Variants in AGMO observed in about 807,000 individuals in gnomAD.
The protein encoded by AGMO is alkylglycerol monooxygenase.
A neutral mutation model predicts 60.2 loss-of-function variants in AGMO; 75 were observed. That is an observed-to-expected ratio of 1.25 (90% CI 1.03 to 1.51). The LOEUF is 1.51. Among genes scored for constraint, AGMO ranks in the 40% most tolerant of loss-of-function variants. The pLI is 0.00. For missense variants in AGMO, 763 were observed against 525.5 expected (o/e 1.45, Z -4.42); for synonymous variants, 261 against 177.1 (o/e 1.47, Z -3.76).
intron 12 of AGMO, among the ~76,000 whole-genome samples, chr7:15,232,801 G>GCA (rs71004371): frequency 0.059 from 8,721 of 147,070 alleles, 321 homozygotes; most frequent in African/African-American, 0.095. Flanking sequence ...ACACACACAC[G>GCA]CACACACACA....
intron 12 of AGMO, among the ~76,000 whole-genome samples, chr7:15,361,945 A>G (rs1196771723): frequency 6.6e-6 from 1 of 152,084 alleles, no homozygotes; most frequent in African/African-American, 2.4e-5. Context: ...TATATACAAC[A>G]TTGATTTATA....
intron 5 of AGMO, among the ~76,000 whole-genome samples, chr7:15,411,071 T>C (rs1780579463): frequency 6.6e-6 from 1 of 151,908 alleles, no homozygotes; most frequent in Non-Finnish European, 1.5e-5. Flanking sequence ...ACTACCTAAA[T>C]GGGGAGTGAG....
At chr7:15,519,307 C>T (rs765157746) in intron 3 of AGMO, among the ~76,000 whole-genome samples, 9 of 151,456 alleles carry the variant, frequency 5.9e-5, no homozygotes, top group Non-Finnish European at 1.3e-4. Context: ...ATACAGAGAA[C>T]ACCACAAAGA....
chr7:15,554,858 A>G (rs1785079222), intron 2 of AGMO, among the ~76,000 whole-genome samples: 1 of 152,184 alleles, frequency 6.6e-6, no homozygotes, highest in African/African-American at 2.4e-5. Flanking sequence ...ATCACCAGGA[A>G]TAGAAGTGTG....
intron 12 of AGMO, among the ~76,000 whole-genome samples, chr7:15,324,627 C>T (rs1460176477): frequency 6.6e-6 from 1 of 152,062 alleles, no homozygotes; most frequent in Admixed American, 6.6e-5. Flanking sequence ...CTTTTTGACA[C>T]CAGGAACATG....
chr7:15,334,127 C>G (rs1057011527), intron 12 of AGMO, among the ~76,000 whole-genome samples: 1 of 151,850 alleles, frequency 6.6e-6, no homozygotes, highest in Non-Finnish European at 1.5e-5. Context: ...ATGTAAAAAA[C>G]TCATAACAAA....
At chr7:15,434,563 AG>A (rs1182419314) in intron 3 of AGMO, among the ~76,000 whole-genome samples, 1 of 152,140 alleles carries the variant, frequency 6.6e-6, no homozygotes, top group Non-Finnish European at 1.5e-5. Flanking sequence ...CCAGCCAGTA[AG>A]GAACTAAGCT....
chr7:15,219,956 T>C lies in AGMO; in HGVS notation c.1264-18597A>G, dbSNP rs554130642. On this transcript the variant is annotated intron_variant, in intron 12 of 12. Transcript: ENST00000342526. ...TGCACACACCCCAGATCTTTCCTGT[T>C]GTACAGCTCCCTTCATACTCACTTC... Among the ~76,000 whole-genome samples, 12 of 152,278 alleles carry C rather than the reference T, an allele frequency of 7.9e-5. No homozygotes were observed. The South Asian group carries it at 1.7e-3, about 21-fold the overall frequency.
the AGMO span, among the ~76,000 whole-genome samples, chr7:15,146,996 A>C: frequency 6.6e-6 from 1 of 152,196 alleles, no homozygotes; most frequent in African/African-American, 2.4e-5. Flanking sequence ...GAAATGTTAA[A>C]ATATATACAC....
intron 12 of AGMO, among the ~76,000 whole-genome samples, chr7:15,222,493 G>A (rs1438113543): frequency 6.6e-6 from 1 of 151,978 alleles, no homozygotes; most frequent in African/African-American, 2.4e-5. Context: ...GCAAAAACAT[G>A]TTTTTCAATG....
intron 12 of AGMO, among the ~76,000 whole-genome samples, chr7:15,326,804 G>C (rs765972523): frequency 2.0e-5 from 3 of 151,932 alleles, no homozygotes; most frequent in Non-Finnish European, 4.4e-5. Context: ...ATGTACAAAA[G>C]GCATAGCGAA....
At chr7:15,139,064 T>G in the AGMO span, among the ~76,000 whole-genome samples, 1 of 152,184 alleles carries the variant, frequency 6.6e-6, no homozygotes, top group Admixed American at 6.5e-5. Flanking sequence ...CTGCTCTTCT[T>G]CCTACTCTCA....
chr7:15,375,161 C>G (rs1489433936), intron 10 of AGMO, among the ~76,000 whole-genome samples: 1 of 151,984 alleles, frequency 6.6e-6, no homozygotes, highest in Non-Finnish European at 1.5e-5. Context: ...AACATATTAT[C>G]TTTTTTGAAT....
chr7:15,416,427 G>T (rs1438333090), intron 5 of AGMO, among the ~76,000 whole-genome samples: 1 of 151,966 alleles, frequency 6.6e-6, no homozygotes, highest in Non-Finnish European at 1.5e-5. Flanking sequence ...TTATCTCACA[G>T]TCTTTCAAAA....
chr7:15,154,923 C>T, the AGMO span, among the ~76,000 whole-genome samples: 1 of 152,112 alleles, frequency 6.6e-6, no homozygotes, highest in Admixed American at 6.6e-5. Flanking sequence ...TGAATATAGG[C>T]TTCTAATATC....
chr7:15,397,097 C>T (rs189011904), intron 5 of AGMO, among the ~76,000 whole-genome samples: 14 of 152,282 alleles, frequency 9.2e-5, no homozygotes, highest in Admixed American at 7.8e-4. Flanking sequence ...TGGCACCCGC[C>T]AGGAAACTTT....
At chr7:15,457,000 A>G (rs1041758331) in intron 3 of AGMO, among the ~76,000 whole-genome samples, 1 of 152,180 alleles carries the variant, frequency 6.6e-6, no homozygotes, top group African/African-American at 2.4e-5. Context: ...AGCCATATTT[A>G]TTGGAAGCCA....
At chr7:15,281,330 G>C (rs1783959004) in intron 12 of AGMO, among the ~76,000 whole-genome samples, 1 of 152,138 alleles carries the variant, frequency 6.6e-6, no homozygotes. Flanking sequence ...TCCACCATGG[G>C]AGCTTGGCAT....
chr7:15,273,385 A>C (rs535440810), intron 12 of AGMO, among the ~76,000 whole-genome samples: 2 of 152,188 alleles, frequency 1.3e-5, no homozygotes, highest in East Asian at 3.9e-4. Flanking sequence ...TAAATAGAGA[A>C]TCCTTTCCTC....
Sources: allele counts gnomAD v4.1 joint callset (sites outside exome capture counted in the v4.1 genomes callset), GRCh38; gene constraint gnomAD v4.1.1; transcripts MANE v1.5; gene names NCBI Gene and HGNC (gene_info 2026-07-23, HGNC 2026-07-21).